The following VSNL1 variants were observed in gnomAD, a reference collection of about 807,000 sequenced individuals.
The protein encoded by VSNL1 is visinin-like protein 1.
In VSNL1, 6 loss-of-function variants were observed where a neutral mutation model predicts 20.4. The ratio of observed to expected loss-of-function variants is 0.29; its 90% CI spans 0.16 to 0.58. The LOEUF (loss-of-function observed/expected upper bound fraction) is 0.58. Among genes scored for constraint, VSNL1 ranks in the 20% least tolerant of loss-of-function variants. The pLI, the probability that VSNL1 is intolerant of heterozygous loss-of-function variation, is 0.90. For synonymous variants in VSNL1, 93 were observed against 86.4 expected (o/e 1.08, Z -0.42); for missense variants, 100 against 234.5 (o/e 0.43, Z 3.75).
intron 2 of VSNL1, among the ~76,000 whole-genome samples, chr2:17,643,565 T>G (rs1665928648): frequency 6.6e-6 from 1 of 152,194 alleles, no homozygotes; most frequent in African/African-American, 2.4e-5. Flanking sequence ...ACCTACTGTG[T>G]GCCTGGCCCT....
intron 2 of VSNL1, among the ~76,000 whole-genome samples, chr2:17,630,396 C>T (rs1393757299): frequency 6.6e-6 from 1 of 152,232 alleles, no homozygotes; most frequent in Non-Finnish European, 1.5e-5. Context: ...GAAGCCTCAT[C>T]AGTTGAGAGA....
At chr2:17,597,666 G>T (rs1347663721) in intron 2 of VSNL1, among the ~76,000 whole-genome samples, 2 of 152,162 alleles carry the variant, frequency 1.3e-5, no homozygotes, top group Non-Finnish European at 2.9e-5. Context: ...AGGAGTTTCT[G>T]TATTTTGCTC....
intron 1 of VSNL1, among the ~76,000 whole-genome samples, chr2:17,590,120 G>A (rs549759321): frequency 1.5e-4 from 23 of 152,244 alleles, no homozygotes; most frequent in African/African-American, 4.6e-4. Context: ...CTGATTGCTC[G>A]GTGATTGCTG....
chr2:17,584,115 G>A (rs938146310), intron 1 of VSNL1, among the ~76,000 whole-genome samples: 3 of 152,098 alleles, frequency 2.0e-5, no homozygotes, highest in East Asian at 1.9e-4. Flanking sequence ...CAAAATTCAC[G>A]CACCTTGTAT....
intron 2 of VSNL1, among the ~76,000 whole-genome samples, chr2:17,630,778 T>A (rs1479737420): frequency 1.3e-5 from 2 of 152,002 alleles, no homozygotes; most frequent in Non-Finnish European, 2.9e-5. Flanking sequence ...GGCATTTTAT[T>A]TTTTTTTAAT....
chr2:17,581,972 G>A (rs1285688124), intron 1 of VSNL1, among the ~76,000 whole-genome samples: 1 of 152,208 alleles, frequency 6.6e-6, no homozygotes, highest in Non-Finnish European at 1.5e-5. Context: ...GGCAGGTGAT[G>A]CAGCAACAGC....
intron 1 of VSNL1, among the ~76,000 whole-genome samples, chr2:17,552,871 A>G (rs1431815931): frequency 1.3e-5 from 2 of 152,242 alleles, no homozygotes; most frequent in Non-Finnish European, 2.9e-5. Context: ...TGTGGATTAA[A>G]GAGATGTGGC....
At chr2:17,595,722 G>C (rs369727880) in intron 2 of VSNL1, among the ~76,000 whole-genome samples, 1 of 90,290 alleles carries the variant, frequency 1.1e-5, no homozygotes, top group Non-Finnish European at 3.4e-5. Flanking sequence ...AGTGTGACGT[G>C]TCTTTAGGAG....
intron 2 of VSNL1, among the ~76,000 whole-genome samples, chr2:17,623,154 A>G (rs1310974263): frequency 6.6e-6 from 1 of 152,164 alleles, no homozygotes; most frequent in Non-Finnish European, 1.5e-5. Flanking sequence ...ATACTTCATA[A>G]TTATATCAAT....
Position 17,656,559 on chromosome 2 carries a change from C to G in VSNL1, c.*1165C>G, listed in dbSNP as rs1666237232. The G allele has an allele frequency of 2.0e-5, 3 of 152,274 alleles. No homozygotes were observed. The South Asian group carries it at 6.2e-4, about 32-fold the overall frequency. 9.4% of individuals were successfully genotyped at this position (152,274 alleles called of 1,614,324 possible). ...AAAGAAGACATCTGTCTTCCCAAAT[C>G]TAAAGTAGGCAAAAAATAACAGAAG... On this transcript the variant is annotated 3_prime_UTR_variant, in exon 4 of 4. Transcript: ENST00000295156.
chr2:17,546,358 C>T (rs1050552114), intron 1 of VSNL1, among the ~76,000 whole-genome samples: 91 of 151,592 alleles, frequency 6.0e-4, no homozygotes, highest in African/African-American at 1.6e-3. Flanking sequence ...TTTATTATTT[C>T]TTAGGCTCTG....
intron 1 of VSNL1, among the ~76,000 whole-genome samples, chr2:17,581,764 G>A (rs1328837615): frequency 6.6e-6 from 1 of 151,566 alleles, no homozygotes; most frequent in Non-Finnish European, 1.5e-5. Context: ...CGTTTCATAC[G>A]TTCTCTCTTA....
chr2:17,652,628 G>A (rs1432589644), intron 3 of VSNL1, among the ~76,000 whole-genome samples: 2 of 152,214 alleles, frequency 1.3e-5, no homozygotes, highest in Non-Finnish European at 2.9e-5. Flanking sequence ...GAATGCCAAG[G>A]TATTTAGCAA....
chr2:17,642,309 C>CTTTTTTTTTTTTTTTTTTTTTTTTT lies in VSNL1; in HGVS notation c.163-7084_163-7083insTTTTTTTTTTTTTTTTTTTTTTTTT. Among the ~76,000 whole-genome samples the CTTTTTTTTTTTTTTTTTTTTTTTTT allele has an allele frequency of 5.4e-3, 502 of 93,198 alleles. 131 individuals carry two copies. The highest frequency in any genetic ancestry group is 9.8e-3 in the Middle Eastern group (1 of 102). 61.1% of individuals were successfully genotyped at this position (93,198 alleles called of 152,430 possible). A position where few individuals can be genotyped will look rare whatever the true frequency, so the allele number is the denominator to read the frequency against. On this transcript the variant is annotated intron_variant, in intron 2 of 3. Coordinates refer to ENST00000295156, the MANE Select transcript of VSNL1 (RefSeq NM_003385.5). ...CTGGCTTTTCCCATGGTGAGCATTC[C>CTTTTTTTTTTTTTTTTTTTTTTTTT]TTTTTTTTTTTTTTTTTGAGACAGA...
In VSNL1 at chr2:17,592,346, T is replaced by G. The variant is rs892286976; in HGVS notation, c.162+110T>G. The stretch of plus-strand genomic sequence containing the variant: ...CTCTAAGTAGCTAGTTTGTTTCAAC[T>G]CTGGCTGTTTTCCATCCAGAAAGAA... On this transcript the variant is annotated intron_variant, in intron 2 of 3. Transcript: ENST00000295156. 1.3e-5 allele frequency: 15 copies of G among 1,198,724 alleles called. No homozygotes were observed. The African/African-American group carries it at 2.3e-4, about 18-fold the overall frequency. 74.3% of individuals were successfully genotyped at this position (1,198,724 alleles called of 1,614,324 possible). A position where few individuals can be genotyped will look rare whatever the true frequency, so the allele number is the denominator to read the frequency against.
intron 2 of VSNL1, among the ~76,000 whole-genome samples, chr2:17,600,011 T>C: frequency 6.6e-6 from 1 of 152,224 alleles, no homozygotes; most frequent in East Asian, 1.9e-4. Flanking sequence ...ACCTCTCCAA[T>C]TCCCAAAGCC....
intron 2 of VSNL1, among the ~76,000 whole-genome samples, chr2:17,593,276 C>T (rs1043640869): frequency 1.3e-5 from 2 of 152,028 alleles, no homozygotes; most frequent in Admixed American, 1.3e-4. Flanking sequence ...TGGGAAACAA[C>T]CCAAGTGCCC....
chr2:17,627,481 C>G (rs1349964288), intron 2 of VSNL1, among the ~76,000 whole-genome samples: 2 of 152,156 alleles, frequency 1.3e-5, no homozygotes, highest in Non-Finnish European at 1.5e-5. Flanking sequence ...TATTATTACT[C>G]AAATCAGTCT....
intron 2 of VSNL1, among the ~76,000 whole-genome samples, chr2:17,633,590 G>A (rs936763478): frequency 6.6e-6 from 1 of 151,950 alleles, no homozygotes; most frequent in African/African-American, 2.4e-5. Flanking sequence ...TTCACCTATC[G>A]AGTTAGTCAG....
Sources: allele counts gnomAD v4.1 joint callset (sites outside exome capture counted in the v4.1 genomes callset), GRCh38; gene constraint gnomAD v4.1.1; transcripts MANE v1.5; gene names NCBI Gene and HGNC (gene_info 2026-07-23, HGNC 2026-07-21).